The following EPHA6 variants were observed in gnomAD, a reference collection of about 807,000 sequenced individuals.
EPHA6 encodes the protein EPH receptor A6.
A neutral mutation model predicts 112.0 loss-of-function variants in EPHA6; 50 were observed. That is an observed-to-expected ratio of 0.45 (90% CI 0.36 to 0.56). The LOEUF is 0.56. EPHA6 is among the 20% of genes least tolerant of loss of function. EPHA6 has a pLI of 0.00. For synonymous variants in EPHA6, 529 were observed against 490.7 expected (o/e 1.08, Z -1.03); for missense variants, 1,280 against 1,417.4 (o/e 0.90, Z 1.56).
intron 3 of EPHA6, among the ~76,000 whole-genome samples, chr3:97,132,830 C>G (rs1209460252): frequency 6.6e-6 from 1 of 151,932 alleles, no homozygotes; most frequent in Admixed American, 6.6e-5. Context: ...AGTAAATTTA[C>G]AAAAACTAAT....
At chr3:97,407,001 C>T (rs1206478124) in intron 6 of EPHA6, among the ~76,000 whole-genome samples, 1 of 152,024 alleles carries the variant, frequency 6.6e-6, no homozygotes, top group East Asian at 1.9e-4. Context: ...CAAAATATTT[C>T]TCTGTGTTTT....
intron 3 of EPHA6, among the ~76,000 whole-genome samples, chr3:97,102,886 T>G (rs889300964): frequency 2.0e-5 from 3 of 152,150 alleles, no homozygotes; most frequent in African/African-American, 7.2e-5. Flanking sequence ...TCCATGATAT[T>G]GAGCTTTTAT....
At chr3:97,533,630 C>T (rs1159069921) in intron 11 of EPHA6, among the ~76,000 whole-genome samples, 1 of 152,044 alleles carries the variant, frequency 6.6e-6, no homozygotes, top group East Asian at 1.9e-4. Context: ...TGTAACAAAC[C>T]TTGGCCAATG....
At chr3:96,852,781 G>T (rs2035473695) in intron 1 of EPHA6, among the ~76,000 whole-genome samples, 1 of 152,074 alleles carries the variant, frequency 6.6e-6, no homozygotes, top group Admixed American at 6.6e-5. Flanking sequence ...ATCTGTTGGT[G>T]TTTCTCACAT....
At chr3:97,494,119 AACCTTTTCTAAAATC>A (rs1482015198) in intron 10 of EPHA6, among the ~76,000 whole-genome samples, 11 of 152,214 alleles carry the variant, frequency 7.2e-5, no homozygotes, top group Admixed American at 3.9e-4. Flanking sequence ...CAGATGTTAG[AACCTTTTCTAAAATC>A]AGGTATTTGA....
At chr3:97,303,584 G>A (rs748272608) in intron 5 of EPHA6, among the ~76,000 whole-genome samples, 3 of 151,934 alleles carry the variant, frequency 2.0e-5, no homozygotes, top group Non-Finnish European at 2.9e-5. Flanking sequence ...ACCAAAATAT[G>A]TATTGGTACC....
At chr3:97,697,854 C>A (rs561120152) in intron 14 of EPHA6, among the ~76,000 whole-genome samples, 52 of 152,288 alleles carry the variant, frequency 3.4e-4, no homozygotes, top group Admixed American at 8.5e-4. Flanking sequence ...CAAGTTGACT[C>A]CCAAAATAGG....
intron 5 of EPHA6, among the ~76,000 whole-genome samples, chr3:97,269,272 T>C (rs746058019): frequency 6.6e-6 from 1 of 152,218 alleles, no homozygotes; most frequent in Non-Finnish European, 1.5e-5. Flanking sequence ...TTGTTCCCCT[T>C]GCTCTTTATC....
chr3:97,299,476 G>C (rs571913012), intron 5 of EPHA6, among the ~76,000 whole-genome samples: 1 of 152,190 alleles, frequency 6.6e-6, no homozygotes, highest in Non-Finnish European at 1.5e-5. Context: ...TTTCTTTTAA[G>C]TTGGAAAGAT....
At chr3:96,978,032 T>A (rs2042603148) in intron 2 of EPHA6, among the ~76,000 whole-genome samples, 3 of 152,050 alleles carry the variant, frequency 2.0e-5, no homozygotes, top group Non-Finnish European at 2.9e-5. Flanking sequence ...TGGTGGTGCA[T>A]GCCTGTAGTC....
At chr3:97,517,134 C>A (rs2092459948) in intron 10 of EPHA6, among the ~76,000 whole-genome samples, 1 of 151,942 alleles carries the variant, frequency 6.6e-6, no homozygotes, top group African/African-American at 2.4e-5. Flanking sequence ...TAGACAAGTT[C>A]AAAATGATAT....
intron 7 of EPHA6, among the ~76,000 whole-genome samples, chr3:97,451,444 G>A (rs548175875): frequency 7.9e-5 from 12 of 151,676 alleles, no homozygotes; most frequent in East Asian, 1.9e-4. Flanking sequence ...CAGGAATGCC[G>A]CGAAAATGAC....
intron 3 of EPHA6, among the ~76,000 whole-genome samples, chr3:97,098,503 A>G (rs576858682): frequency 6.6e-6 from 1 of 152,024 alleles, no homozygotes; most frequent in African/African-American, 2.4e-5. Flanking sequence ...AGATATGGAA[A>G]AATAAATTAA....
intron 2 of EPHA6, among the ~76,000 whole-genome samples, chr3:96,983,915 A>T (rs904152172): frequency 7.2e-5 from 11 of 152,172 alleles, no homozygotes; most frequent in African/African-American, 2.4e-4. Context: ...AGGTCATTCA[A>T]GGACTTCTCT....
At chr3:96,917,704 G>A (rs574420457) in intron 2 of EPHA6, among the ~76,000 whole-genome samples, 252 of 151,700 alleles carry the variant, frequency 1.7e-3, no homozygotes, top group African/African-American at 5.8e-3. Flanking sequence ...AGAAGCAAAG[G>A]CAAAGAATCC....
At chr3:97,480,960 CG>C (rs1560053361) in intron 9 of EPHA6, among the ~76,000 whole-genome samples, 1 of 151,806 alleles carries the variant, frequency 6.6e-6, no homozygotes, top group African/African-American at 2.4e-5. Context: ...GACGGGATGG[CG>C]GCCGGGAAGA....
chr3:96,913,847 T>A (rs2039352742), intron 2 of EPHA6, among the ~76,000 whole-genome samples: 1 of 152,178 alleles, frequency 6.6e-6, no homozygotes, highest in South Asian at 2.1e-4. Flanking sequence ...TTCTCATTGT[T>A]TCCTTTCTGA....
chr3:97,742,343 T>G (rs991195394), intron 16 of EPHA6, among the ~76,000 whole-genome samples: 6 of 152,146 alleles, frequency 3.9e-5, no homozygotes, highest in Non-Finnish European at 8.8e-5. Flanking sequence ...TTCAGGGGTC[T>G]ATTACTCTGG....
chr3:96,834,321 A>G (rs1164022341), intron 1 of EPHA6, among the ~76,000 whole-genome samples: 1 of 152,074 alleles, frequency 6.6e-6, no homozygotes, highest in Non-Finnish European at 1.5e-5. Context: ...GCCTTTTCTC[A>G]TTAAAATAGG....
Sources: gnomAD v4.1 joint callset for allele counts (sites outside exome capture counted in the v4.1 genomes callset) on GRCh38, gnomAD v4.1.1 for gene constraint, MANE v1.5 for transcripts, NCBI Gene and HGNC (gene_info 2026-07-23, HGNC 2026-07-21) for gene names.